Variants in RGS3 observed in about 807,000 individuals in gnomAD.
RGS3 encodes the protein regulator of G-protein signalling 3.
Under a neutral mutation model 132.6 loss-of-function variants are expected in RGS3, and 80 were observed. The observed-to-expected ratio is 0.60, with a 90% CI of 0.50 to 0.73. RGS3 has a LOEUF of 0.73. RGS3 is among the 30% of genes least tolerant of loss of function. The pLI is 0.00. For missense variants in RGS3, 1,382 were observed against 1,530.8 expected, an observed-to-expected ratio of 0.90 and a Z score of 1.62; for synonymous variants, 598 against 620.6, an observed-to-expected ratio of 0.96 and a Z score of 0.54.
At chr9:113,458,612 TTATTAA>T (rs759994196), upstream of RGS3, among the ~76,000 whole-genome samples, 1 of 152,188 alleles carries the variant, frequency 6.6e-6, no homozygotes, top group South Asian at 2.1e-4. Context: ...TTTGAATGAG[TTATTAA>T]TATTAACAAA....
chr9:113,533,317 G>A (rs976494800), intron 18 of RGS3, among the ~76,000 whole-genome samples: 21 of 150,532 alleles, frequency 1.4e-4, no homozygotes, highest in Admixed American at 1.1e-3. Context: ...TGCAACATCC[G>A]CCTCCTGGGT....
chr9:113,564,963 AGCGGCTGCCAGCAGGCC>A (rs559971244), intron 19 of RGS3: 302 of 1,021,040 alleles, frequency 3.0e-4, no homozygotes, highest in Middle Eastern at 2.9e-3. Flanking sequence ...TCTTGCAGGG[AGCGGCTGCCAGCAGGCC>A]GGCTGGAGGC....
At chr9:113,495,888 G>C (rs1358121350) in intron 8 of RGS3, 42 bp downstream of exon 6, 1 of 1,541,554 alleles carries the variant, frequency 6.5e-7, no homozygotes, top group Non-Finnish European at 9.0e-7. Flanking sequence ...TCCCAACTGG[G>C]CCGGGGCTGG....
At chr9:113,451,561 C>G (rs1829246472) in intron 1 of RGS3, among the ~76,000 whole-genome samples, 1 of 152,150 alleles carries the variant, frequency 6.6e-6, no homozygotes, top group South Asian at 2.1e-4. Flanking sequence ...AAGTAGCATC[C>G]ATATTCCCAC....
At chr9:113,482,368 C>A (rs542111467) in intron 4 of RGS3, among the ~76,000 whole-genome samples, 1 of 152,220 alleles carries the variant, frequency 6.6e-6, no homozygotes, top group East Asian at 1.9e-4. Context: ...ATCACTAAAC[C>A]ATTAAAAATG....
exon 24 of RGS3, chr9:113,595,653 T>C (rs754564353): frequency 1.7e-5 from 27 of 1,614,214 alleles, no homozygotes; most frequent in Non-Finnish European, 2.3e-5. Flanking sequence ...GAGGAGAATC[T>C]GGAGTTCTGG....
intron 1 of RGS3, among the ~76,000 whole-genome samples, chr9:113,449,897 C>A (rs1004338508): frequency 4.0e-5 from 6 of 151,662 alleles, no homozygotes; most frequent in Non-Finnish European, 5.9e-5. Flanking sequence ...TGCCCGCCCC[C>A]ACTCTTGGCT....
chr9:113,494,586 A>G (rs1830625746), intron 7 of RGS3, among the ~76,000 whole-genome samples: 1 of 152,202 alleles, frequency 6.6e-6, no homozygotes, highest in Admixed American at 6.5e-5. Flanking sequence ...TCCCAGGCTC[A>G]AGTGATCCTC....
chr9:113,585,711 TATTC>T (rs1202956191), intron 20 of RGS3, among the ~76,000 whole-genome samples: 3 of 152,246 alleles, frequency 2.0e-5, no homozygotes, highest in Non-Finnish European at 2.9e-5. Flanking sequence ...CAGGTGCTGC[TATTC>T]CTCCCTCCAA....
At chr9:113,593,484 A>G (rs1226541680) in intron 21 of RGS3, 1 of 158,576 alleles carries the variant, frequency 6.3e-6, no homozygotes, top group Non-Finnish European at 1.4e-5. Context: ...CATGCACACA[A>G]CATTAAATAA....
intron 4 of RGS3, among the ~76,000 whole-genome samples, chr9:113,482,451 C>G (rs921986236): frequency 6.6e-6 from 1 of 152,170 alleles, no homozygotes; most frequent in Non-Finnish European, 1.5e-5. Flanking sequence ...GGGATTCATG[C>G]CTGGGTCCGT....
At chr9:113,531,656 C>G (rs1832470688) in intron 18 of RGS3, among the ~76,000 whole-genome samples, 1 of 152,162 alleles carries the variant, frequency 6.6e-6, no homozygotes. Flanking sequence ...AGCTCATATT[C>G]TTTGTAATGT....
intron 20 of RGS3, among the ~76,000 whole-genome samples, chr9:113,586,245 T>C (rs1195021287): frequency 6.6e-6 from 1 of 152,202 alleles, no homozygotes; most frequent in African/African-American, 2.4e-5. Context: ...TGGAGGGCGG[T>C]TGAGGCCCAC....
exon 3 of RGS3, chr9:113,462,169 A>AGAG (rs1314717039): frequency 6.2e-7 from 1 of 1,614,144 alleles, no homozygotes; most frequent in East Asian, 2.2e-5. Context: ...CCAGCCAGGA[A>AGAG]GAGGATCACG....
chr9:113,563,838 G>T (rs1424693245), intron 19 of RGS3, among the ~76,000 whole-genome samples: 1 of 152,200 alleles, frequency 6.6e-6, no homozygotes, highest in Non-Finnish European at 1.5e-5. Context: ...ACAGGGGCAG[G>T]GATACAGGCA....
At chr9:113,501,423 G>A (rs1830886218) in intron 10 of RGS3, 1 of 1,468,904 alleles carries the variant, frequency 6.8e-7, no homozygotes, top group Admixed American at 2.2e-5. Context: ...AGCACAGACA[G>A]GGCTTGGGGA....
chr9:113,559,798 C>T (rs77728290), intron 19 of RGS3, among the ~76,000 whole-genome samples: 9,457 of 152,286 alleles, frequency 0.062, 385 homozygotes, highest in Non-Finnish European at 0.087. Flanking sequence ...TATTAGTACA[C>T]GCCAGGCCCT....
At chr9:113,510,397 G>C (rs1352993987) in intron 14 of RGS3, among the ~76,000 whole-genome samples, 1 of 152,244 alleles carries the variant, frequency 6.6e-6, no homozygotes, top group Non-Finnish European at 1.5e-5. Flanking sequence ...GCCTGGGCCT[G>C]GCTTATTTCT....
intron 19 of RGS3, among the ~76,000 whole-genome samples, chr9:113,540,399 C>A (rs2118644005): frequency 6.6e-6 from 1 of 152,306 alleles, no homozygotes; most frequent in East Asian, 1.9e-4. Context: ...ATGAATGAGA[C>A]CTGGTCCCTG....
Sources: gnomAD v4.1 joint callset for allele counts (sites outside exome capture counted in the v4.1 genomes callset) on GRCh38, gnomAD v4.1.1 for gene constraint, MANE v1.5 for transcripts, NCBI Gene and HGNC (gene_info 2026-07-23, HGNC 2026-07-21) for gene names.